The following N4BP2L2 variants were observed in gnomAD, a reference collection of about 807,000 sequenced individuals.
N4BP2L2 encodes NEDD4-binding protein 2-like 2.
A neutral mutation model predicts 56.2 loss-of-function variants in N4BP2L2; 50 were observed. The observed-to-expected ratio is 0.89, with a 90% CI of 0.71 to 1.13. The LOEUF (loss-of-function observed/expected upper bound fraction) is 1.13. N4BP2L2 is among the 50% of genes most tolerant of loss of function. N4BP2L2 has a pLI of 0.00. For synonymous variants in N4BP2L2, 203 were observed against 223.6 expected (o/e 0.91, Z 0.82); for missense variants, 689 against 693.8 (o/e 0.99, Z 0.08).
At chr13:32,441,888 A>AAAAT (rs201117316) in intron 7 of N4BP2L2, among the ~76,000 whole-genome samples, 14,616 of 138,814 alleles carry the variant, frequency 0.11, 1,290 homozygotes, top group African/African-American at 0.24. Context: ...CTAAAAATAC[A>AAAAT]AAATAAATAA....
chr13:32,487,695 GTTA>G (rs1281460908), intron 6 of N4BP2L2, among the ~76,000 whole-genome samples: 1 of 151,732 alleles, frequency 6.6e-6, no homozygotes, highest in Non-Finnish European at 1.5e-5. Context: ...AAAGAAAGAG[GTTA>G]TTGTAGGATT....
At chr13:32,448,190 G>A (rs1207948142) in intron 6 of N4BP2L2, among the ~76,000 whole-genome samples, 1 of 152,142 alleles carries the variant, frequency 6.6e-6, no homozygotes, top group African/African-American at 2.4e-5. Flanking sequence ...AAGCCCCTGG[G>A]AAATAAGAGA....
chr13:32,438,065 T>C (rs1375776298), intron 8 of N4BP2L2, among the ~76,000 whole-genome samples: 1 of 152,262 alleles, frequency 6.6e-6, no homozygotes, highest in Non-Finnish European at 1.5e-5. Flanking sequence ...CATTGTGTAA[T>C]GATCAAATCA....
At chr13:32,504,171 G>A (rs2090519539) in intron 6 of N4BP2L2, among the ~76,000 whole-genome samples, 2 of 152,254 alleles carry the variant, frequency 1.3e-5, no homozygotes, top group South Asian at 4.1e-4. Flanking sequence ...ACACACAAAG[G>A]AACTGCAGAA....
chr13:32,442,442 GTGATAA>G (rs753420377), exon 7 of N4BP2L2: 15 of 1,611,412 alleles, frequency 9.3e-6, no homozygotes, highest in Non-Finnish European at 1.3e-5. Flanking sequence ...GCAAACCCTT[GTGATAA>G]TGGTAGCTCA....
intron 6 of N4BP2L2, among the ~76,000 whole-genome samples, chr13:32,469,996 A>G (rs1356621959): frequency 3.3e-5 from 5 of 152,194 alleles, no homozygotes; most frequent in Non-Finnish European, 7.4e-5. Context: ...CTGAACACGT[A>G]TAAGTTTCTG....
intron 7 of N4BP2L2, among the ~76,000 whole-genome samples, chr13:32,438,925 A>T (rs180920760): frequency 6.6e-6 from 1 of 152,360 alleles, no homozygotes; most frequent in East Asian, 1.9e-4. Context: ...CCAGACTCCA[A>T]TACTAGGATT....
At position 32,527,543 on chromosome 13, in the gene N4BP2L2, A is replaced by G; in HGVS notation, c.1260-11T>C. On this transcript the variant is annotated splice_polypyrimidine_tract_variant and intron_variant, in intron 2 of 5. Coordinates refer to ENST00000267068, the Ensembl canonical transcript of N4BP2L2. Reference sequence around the variant, plus strand: ...TGACCAAGCAGAATTCTGTTAATAAAAGAAATCATAAAGGTGCCATTTACA... The same window carrying G: ...TGACCAAGCAGAATTCTGTTAATAAGAGAAATCATAAAGGTGCCATTTACA... 1 of 1,608,966 alleles carries G rather than the reference A, an allele frequency of 6.2e-7. No individual in the cohort carries two copies. The highest frequency in any genetic ancestry group is 8.5e-7 in the Non-Finnish European group (1 of 1,179,618).
intron 2 of N4BP2L2, among the ~76,000 whole-genome samples, chr13:32,532,584 TTTTTTC>T (rs1371376631): frequency 2.1e-4 from 31 of 145,908 alleles, no homozygotes; most frequent in African/African-American, 8.1e-4. Flanking sequence ...TTCTCTTTTC[TTTTTTC>T]TTTTTTTTTT....
chr13:32,503,706 T>C lies in N4BP2L2; in HGVS notation c.365+14151A>G, dbSNP rs933342045. On this transcript the variant is annotated intron_variant, in intron 6 of 9. Transcript: ENST00000357505. ...ACTTTTTCACTTCAAATAGTCAAATTACATTAATAGATCGTAAGCTACAAA... is the reference window on the plus strand; with the variant it reads ...ACTTTTTCACTTCAAATAGTCAAATCACATTAATAGATCGTAAGCTACAAA... 2.6e-5 allele frequency among the ~76,000 whole-genome samples: 4 copies of C among 152,204 alleles called. No individual in the cohort carries two copies. The South Asian group carries it at 6.2e-4, about 24-fold the overall frequency.
chr13:32,454,852 C>T (rs1791560891), intron 6 of N4BP2L2, among the ~76,000 whole-genome samples: 1 of 152,170 alleles, frequency 6.6e-6, no homozygotes, highest in Non-Finnish European at 1.5e-5. Flanking sequence ...TTATAGGAAA[C>T]ACCTAAGGCA....
chr13:32,538,847 T>G, upstream of N4BP2L2: 1 of 985,460 alleles, frequency 1.0e-6, no homozygotes, highest in Non-Finnish European at 1.2e-6. Context: ...CCAGGCATTG[T>G]GGGAATTGAA....
At chr13:32,443,987 C>T (rs2076670122) in exon 7 of N4BP2L2, 2 of 1,607,598 alleles carry the variant, frequency 1.2e-6, no homozygotes, top group Admixed American at 3.4e-5. Context: ...TCCTGATCTC[C>T]CGGTGTAAGA....
chr13:32,528,151 T>C (rs1209062724), intron 2 of N4BP2L2, among the ~76,000 whole-genome samples: 1 of 152,214 alleles, frequency 6.6e-6, no homozygotes, highest in Admixed American at 6.5e-5. Context: ...ATATCAACTA[T>C]TATCCATGTT....
chr13:32,531,755 A>G (rs989932787), intron 2 of N4BP2L2, among the ~76,000 whole-genome samples: 5 of 152,228 alleles, frequency 3.3e-5, no homozygotes, highest in Admixed American at 6.5e-5. Flanking sequence ...TGTAACTTCT[A>G]TAACACCACA....
At chr13:32,471,969 A>G (rs1304742917) in intron 6 of N4BP2L2, among the ~76,000 whole-genome samples, 1 of 152,256 alleles carries the variant, frequency 6.6e-6, no homozygotes, top group Non-Finnish European at 1.5e-5. Context: ...ATTCTTGCCC[A>G]AAACATTTAA....
At chr13:32,503,979 G>A (rs904417820) in intron 6 of N4BP2L2, among the ~76,000 whole-genome samples, 1 of 152,060 alleles carries the variant, frequency 6.6e-6, no homozygotes, top group Non-Finnish European at 1.5e-5. Context: ...CTGGCAGCCT[G>A]GGTGAAAGAA....
chr13:32,537,615 T>C (rs1323903619), intron 1 of N4BP2L2, among the ~76,000 whole-genome samples: 4 of 152,182 alleles, frequency 2.6e-5, no homozygotes, highest in Non-Finnish European at 5.9e-5. Flanking sequence ...GTAGTTAGCA[T>C]AAAAGAGGTT....
intron 6 of N4BP2L2, among the ~76,000 whole-genome samples, chr13:32,473,816 C>T (rs1213392468): frequency 6.6e-6 from 1 of 152,182 alleles, no homozygotes; most frequent in East Asian, 1.9e-4. Flanking sequence ...CTTTTAAGGA[C>T]CCTTGTGATA....
Sources: gnomAD v4.1 joint callset for allele counts (sites outside exome capture counted in the v4.1 genomes callset) on GRCh38, gnomAD v4.1.1 for gene constraint, MANE v1.5 for transcripts, NCBI Gene and HGNC (gene_info 2026-07-23, HGNC 2026-07-21) for gene names.